TFPI: variants seen among roughly 807,000 people sequenced by gnomAD.
TFPI encodes anti-convertin.
TFPI carries 15 observed loss-of-function variants against 34.6 expected under a neutral mutation model. That is an observed-to-expected ratio of 0.43 (90% confidence interval 0.29 to 0.67). The LOEUF is 0.67. Among genes scored for constraint, TFPI ranks in the 30% least tolerant of loss-of-function variants. The pLI is 0.15. For missense variants in TFPI, 301 were observed against 364.0 expected (o/e 0.83, Z 1.41); for synonymous variants, 105 against 120.1 (o/e 0.87, Z 0.82).
intron 6 of TFPI, chr2:187,478,692 A>G: frequency 6.2e-7 from 1 of 1,613,296 alleles, no homozygotes. Flanking sequence ...TAGGCATGAA[A>G]TGCTATCCAA....
intron 1 of TFPI, among the ~76,000 whole-genome samples, chr2:187,528,161 A>G (rs113971987): frequency 6.6e-5 from 10 of 152,286 alleles, no homozygotes; most frequent in African/African-American, 2.2e-4. Flanking sequence ...ATCCACATAT[A>G]TAGGAATCTG....
chr2:187,499,121 C>CTT (rs961455911), intron 2 of TFPI, among the ~76,000 whole-genome samples: 4 of 147,142 alleles, frequency 2.7e-5, no homozygotes, highest in Non-Finnish European at 6.0e-5. Flanking sequence ...AATGTCATTT[C>CTT]TTTTTTTTTT....
chr2:187,510,695 A>G (rs1199822644), intron 1 of TFPI, among the ~76,000 whole-genome samples: 1 of 152,170 alleles, frequency 6.6e-6, no homozygotes, highest in Non-Finnish European at 1.5e-5. Context: ...GCACTGTGAC[A>G]ATCTCTGTCC....
chr2:187,549,623 G>C (rs973685535), intron 1 of TFPI, among the ~76,000 whole-genome samples: 1 of 151,992 alleles, frequency 6.6e-6, no homozygotes, highest in South Asian at 2.1e-4. Context: ...CTGTTTTCTA[G>C]AAACAGTGAT....
intron 4 of TFPI, among the ~76,000 whole-genome samples, chr2:187,487,429 TA>T (rs369871836): frequency 3.1e-4 from 47 of 151,544 alleles, no homozygotes; most frequent in African/African-American, 1.1e-3. Flanking sequence ...GCCTAAAGAT[TA>T]TCAATGTGTC....
rs562689305 is a variant in TFPI, at chr2:187,536,342, A to G, written c.-3+17858T>C. 5.3e-5 allele frequency among the ~76,000 whole-genome samples: 8 copies of G among 152,342 alleles called. No individual in the cohort carries two copies. The South Asian group carries it at 1.5e-3, about 28-fold the overall frequency. ...TCGATGCAAAAATCCTCAATAAAAT[A>G]CTGGCAAACTGAATCCAGCAGCACA... On this transcript the variant is annotated intron_variant, in intron 1 of 7. Coordinates refer to ENST00000233156, the MANE Select transcript of TFPI (RefSeq NM_006287.6).
chr2:187,543,157 C>T (rs1355700976), intron 1 of TFPI, among the ~76,000 whole-genome samples: 2 of 152,246 alleles, frequency 1.3e-5, no homozygotes, highest in South Asian at 2.1e-4. Flanking sequence ...GTAGATAATA[C>T]TTCAAATTAG....
chr2:187,487,742 T>C (rs980925424), intron 4 of TFPI, among the ~76,000 whole-genome samples: 2 of 151,460 alleles, frequency 1.3e-5, no homozygotes, highest in Non-Finnish European at 3.0e-5. Flanking sequence ...ATGATATGAT[T>C]TAAATTACAC....
intron 6 of TFPI, among the ~76,000 whole-genome samples, chr2:187,472,377 TCCAGAGGACATA>T (rs1692095013): frequency 6.6e-6 from 1 of 152,162 alleles, no homozygotes; most frequent in African/African-American, 2.4e-5. Context: ...TTCAGGTGCT[TCCAGAGGACATA>T]CTTCTAAAAT....
chr2:187,511,402 G>A (rs1686622846), intron 1 of TFPI, among the ~76,000 whole-genome samples: 1 of 152,162 alleles, frequency 6.6e-6, no homozygotes, highest in African/African-American at 2.4e-5. Context: ...CTCTGGTTTG[G>A]TGTAAACTGT....
At chr2:187,486,747 TTGG>T (rs1249002175) in intron 4 of TFPI, among the ~76,000 whole-genome samples, 1 of 151,668 alleles carries the variant, frequency 6.6e-6, no homozygotes, top group Non-Finnish European at 1.5e-5. Flanking sequence ...TTGCTCTAAG[TTGG>T]TGCTCAGTTG....
chr2:187,532,435 C>G (rs187741845), intron 1 of TFPI, among the ~76,000 whole-genome samples: 1 of 152,170 alleles, frequency 6.6e-6, no homozygotes, highest in Non-Finnish European at 1.5e-5. Context: ...GAGGGCAAGC[C>G]GAAGCAGGGT....
At chr2:187,487,335 G>GTACA (rs8176503) in intron 4 of TFPI, among the ~76,000 whole-genome samples, 60,338 of 150,492 alleles carry the variant, frequency 0.4, 12,809 homozygotes, top group African/African-American at 0.54. Flanking sequence ...AAAATTGTAA[G>GTACA]TACATTTAGT....
At chr2:187,479,317 AG>A (rs1692645107) in intron 6 of TFPI, among the ~76,000 whole-genome samples, 2 of 151,916 alleles carry the variant, frequency 1.3e-5, no homozygotes, top group Admixed American at 1.3e-4. Context: ...GATGTCAAAA[AG>A]GTCATGTATA....
chr2:187,493,644 A>C (rs938699882), intron 3 of TFPI, among the ~76,000 whole-genome samples: 1 of 151,774 alleles, frequency 6.6e-6, no homozygotes, highest in African/African-American at 2.4e-5. Context: ...CAGCACCTAA[A>C]CCCCCCTTGA....
At chr2:187,523,065 CTG>C (rs1687492752) in intron 1 of TFPI, among the ~76,000 whole-genome samples, 1 of 151,974 alleles carries the variant, frequency 6.6e-6, no homozygotes, top group African/African-American at 2.4e-5. Context: ...GCATGTTTCA[CTG>C]AGATACAATC....
At chr2:187,501,320 G>T (rs1468975877) in intron 2 of TFPI, among the ~76,000 whole-genome samples, 2 of 124,296 alleles carry the variant, frequency 1.6e-5, no homozygotes, top group Non-Finnish European at 3.2e-5. Context: ...CATGTCCTGG[G>T]ATGTTGGATA....
chr2:187,508,869 G>A (rs1250973023), intron 1 of TFPI, among the ~76,000 whole-genome samples: 1 of 152,114 alleles, frequency 6.6e-6, no homozygotes, highest in African/African-American at 2.4e-5. Flanking sequence ...TCTTTGTCTT[G>A]TACTGGCTTT....
At chr2:187,512,888 C>T (rs555501863) in intron 1 of TFPI, among the ~76,000 whole-genome samples, 5 of 151,720 alleles carry the variant, frequency 3.3e-5, no homozygotes, top group African/African-American at 4.8e-5. Context: ...AGAAAGTTAA[C>T]GCATGTCAAA....
Sources: gnomAD v4.1 joint callset for allele counts (sites outside exome capture counted in the v4.1 genomes callset) on GRCh38, gnomAD v4.1.1 for gene constraint, MANE v1.5 for transcripts, NCBI Gene and HGNC (gene_info 2026-07-23, HGNC 2026-07-21) for gene names.